Variants in WDR82 observed in about 807,000 individuals in gnomAD.
The protein encoded by WDR82 is WD repeat domain 82, also known as WD repeat-containing protein 82.
WDR82 carries 8 observed loss-of-function variants against 36.1 expected under a neutral mutation model. That is an observed-to-expected ratio of 0.22 (90% CI 0.13 to 0.40). The LOEUF is 0.40. Ranked by LOEUF, WDR82 falls within the 10% of genes least tolerant of loss-of-function variation. WDR82 has a pLI of 1.00. For synonymous variants in WDR82, 129 were observed against 137.8 expected (o/e 0.94, Z 0.45); for missense variants, 185 against 400.5 (o/e 0.46, Z 4.59).
At chr3:52,276,324 G>A (rs1475669979) in intron 1 of WDR82, among the ~76,000 whole-genome samples, 1 of 151,452 alleles carries the variant, frequency 6.6e-6, no homozygotes, top group Non-Finnish European at 1.5e-5. Flanking sequence ...CCAGCTATTT[G>A]TGAGGGTGAG....
In WDR82 at chr3:52,259,843, A is replaced by G. The variant is rs3210487; in HGVS notation, c.573T>C (p.Tyr191=). 0.12 allele frequency: 191,024 copies of G among 1,613,756 alleles called. 13,037 individuals carry two copies. Among genetic ancestry groups the G allele is most frequent in the African/African-American group, 0.27 (20,218 of 74,952 alleles). ...KGPFATFKMQ[Y]DRTCEWTGLK... is the part of the protein sequence containing the mutation. Reference sequence around the variant, plus strand: ...GTCCTGTCCACTCACAAGTTCGATCATACTGCATCTTAAAGGTAGCAAATG... The same window carrying G: ...GTCCTGTCCACTCACAAGTTCGATCGTACTGCATCTTAAAGGTAGCAAATG... The change falls in exon 6 of 9, where the codon TAT becomes TAC. Residue 191 remains tyrosine (Y), a synonymous_variant. Coordinates refer to ENST00000296490, the MANE Select transcript of WDR82 (RefSeq NM_025222.4).
intron 3 of WDR82, among the ~76,000 whole-genome samples, chr3:52,266,435 T>C (rs887500479): frequency 3.3e-5 from 5 of 151,860 alleles, no homozygotes; most frequent in Admixed American, 2.0e-4. Context: ...CTAGAAAAAA[T>C]ATATATACAT....
At chr3:52,268,005 G>T (rs1700121246) in intron 2 of WDR82, 2 of 215,660 alleles carry the variant, frequency 9.3e-6, no homozygotes, top group South Asian at 6.1e-5. Context: ...GTTCACAGGG[G>T]TGCTTTCTAA....
intron 2 of WDR82, among the ~76,000 whole-genome samples, chr3:52,269,744 G>C (rs748066635): frequency 6.6e-6 from 1 of 151,838 alleles, no homozygotes; most frequent in African/African-American, 2.4e-5. Flanking sequence ...AATAAAAACA[G>C]ACAAACAAAA....
At chr3:52,257,610 C>T in intron 8 of WDR82, 91 bp from the exon 9 acceptor site, 1 of 1,539,678 alleles carries the variant, frequency 6.5e-7, no homozygotes, top group Non-Finnish European at 8.9e-7. Context: ...AAAAATGTGC[C>T]CAACCCCAGT....
intron 3 of WDR82, among the ~76,000 whole-genome samples, chr3:52,263,424 A>T (rs1039893086): frequency 1.3e-5 from 2 of 152,242 alleles, no homozygotes; most frequent in Non-Finnish European, 2.9e-5. Flanking sequence ...TCAGAGCCAG[A>T]AGGGACAGAA....
Position 52,255,331 on chromosome 3 carries a change from T to C in WDR82, c.*2159A>G, listed in dbSNP as rs1424613375. 6.6e-6 allele frequency: 1 copy of C among 152,126 alleles called. No individual in the cohort carries two copies. Among genetic ancestry groups the C allele is most frequent in the Non-Finnish European group, 1.5e-5 (1 of 68,014 alleles). The allele number at this position is 152,126 out of a possible 1,614,324, so 9.4% of individuals were successfully genotyped here. Reference sequence around the variant, plus strand: ...TCATTTTCCTGCTGCTAAGTAATGCTTGGTGGCTGCTCTGGTTGCAGATAT... The same window carrying C: ...TCATTTTCCTGCTGCTAAGTAATGCCTGGTGGCTGCTCTGGTTGCAGATAT... On this transcript the variant is annotated 3_prime_UTR_variant, in exon 9 of 9. Transcript: ENST00000296490.
intron 3 of WDR82, among the ~76,000 whole-genome samples, chr3:52,262,382 T>C (rs1191101715): frequency 6.6e-6 from 1 of 152,216 alleles, no homozygotes; most frequent in East Asian, 1.9e-4. Flanking sequence ...AAAGGAATCA[T>C]TTACAGTATG....
chr3:52,256,458 C>G lies in WDR82; in HGVS notation c.*1032G>C, dbSNP rs1767. 25,210 of 153,680 alleles carry G rather than the reference C, an allele frequency of 0.16. 2,863 individuals carry two copies. The highest frequency in any genetic ancestry group is 0.32 in the African/African-American group (13,262 of 41,450). The allele number at this position is 153,680 out of a possible 1,614,324, so 9.5% of individuals were successfully genotyped here. On this transcript the variant is annotated 3_prime_UTR_variant, in exon 9 of 9. Coordinates refer to ENST00000296490, the MANE Select transcript of WDR82 (RefSeq NM_025222.4). ...AGAAATCAAAGGTCATATATAAAAA[C>G]GCTAAATATGACATATAACACAGGC...
At position 52,254,817 on chromosome 3, in the gene WDR82, CTG is replaced by C. The variant is rs1175754035; in HGVS notation, c.*2671_*2672del. The C allele has an allele frequency of 6.6e-6, 1 of 152,252 alleles. No homozygotes were observed. The highest frequency in any genetic ancestry group is 2.4e-5 in the African/African-American group (1 of 41,460). The allele number at this position is 152,252 out of a possible 1,614,324, so 9.4% of individuals were successfully genotyped here. On this transcript the variant is annotated 3_prime_UTR_variant, in exon 9 of 9. Coordinates refer to ENST00000296490, the MANE Select transcript of WDR82 (RefSeq NM_025222.4). The stretch of plus-strand genomic sequence containing the variant: ...GCACCTGTAGCCCTGCTGAGCACGT[CTG>C]TGCAGCCCCAGCCCTCAGCATCTCT...
chr3:52,257,618 A>G, intron 8 of WDR82, 99 bp from the exon 9 acceptor site: 1 of 1,476,796 alleles, frequency 6.8e-7, no homozygotes, highest in Non-Finnish European at 9.4e-7. Context: ...GCCCAACCCC[A>G]GTGGCTCTGG....
chr3:52,265,766 G>C (rs1296250426), intron 3 of WDR82, among the ~76,000 whole-genome samples: 1 of 151,954 alleles, frequency 6.6e-6, no homozygotes, highest in Non-Finnish European at 1.5e-5. Context: ...TGTAGAGACA[G>C]GGTTTCACCA....
At position 52,278,549 on chromosome 3, in the gene WDR82, G is replaced by A. The variant is rs1490951478; in HGVS notation, c.-188C>T. On this transcript the variant is annotated 5_prime_UTR_variant, in exon 1 of 9. Coordinates refer to ENST00000296490, the MANE Select transcript of WDR82 (RefSeq NM_025222.4). ...GTCGAGGGTCTTCTGCCTGGACTGT[G>A]GAGCCTCGCCGACCGTTCGTCCTCA... 2 of 465,460 alleles carry A rather than the reference G, an allele frequency of 4.3e-6. No individual in the cohort carries two copies. Among genetic ancestry groups the A allele is most frequent in the Non-Finnish European group, 7.0e-6 (2 of 287,754 alleles). The allele number at this position is 465,460 out of a possible 1,614,324, so 28.8% of individuals were successfully genotyped here. A position where few individuals can be genotyped will look rare whatever the true frequency, so the allele number is the denominator to read the frequency against.
chr3:52,261,215 G>A (rs888336503), intron 4 of WDR82, among the ~76,000 whole-genome samples, 165 bp downstream of exon 4: 1 of 152,214 alleles, frequency 6.6e-6, no homozygotes, highest in Non-Finnish European at 1.5e-5. Context: ...ATTAGGGTAT[G>A]TGCTTAGCAG....
chr3:52,259,346 A>G (rs926020080), intron 6 of WDR82, 80 bp from the exon 7 acceptor site: 13 of 1,324,612 alleles, frequency 9.8e-6, no homozygotes, highest in African/African-American at 8.8e-5. Context: ...GACTCAGCAC[A>G]TGCATCACCT....
intron 2 of WDR82, chr3:52,267,498 G>C (rs982872086): frequency 6.3e-6 from 1 of 159,762 alleles, no homozygotes; most frequent in Admixed American, 6.5e-5. Flanking sequence ...TTTTTGTCTA[G>C]AGTTCTCCAT....
intron 3 of WDR82, among the ~76,000 whole-genome samples, chr3:52,264,691 G>C (rs1008316631): frequency 6.6e-6 from 1 of 152,052 alleles, no homozygotes; most frequent in Non-Finnish European, 1.5e-5. Context: ...ATGGAAGCAA[G>C]CAGAAAGAGG....
At chr3:52,277,235 G>A (rs1255847016) in intron 1 of WDR82, among the ~76,000 whole-genome samples, 1 of 152,112 alleles carries the variant, frequency 6.6e-6, no homozygotes, top group African/African-American at 2.4e-5. Context: ...TTGGCTCCAA[G>A]GAGCTGCAAG....
chr3:52,257,650 C>A, intron 8 of WDR82, 131 bp from the exon 9 acceptor site: 2 of 923,200 alleles, frequency 2.2e-6, no homozygotes, highest in Non-Finnish European at 3.5e-6. Context: ...CCTAACCAAC[C>A]AACCCCGATG....
Sources: allele counts gnomAD v4.1 joint callset (sites outside exome capture counted in the v4.1 genomes callset), GRCh38; gene constraint gnomAD v4.1.1; transcripts MANE v1.5; gene names NCBI Gene and HGNC (gene_info 2026-07-23, HGNC 2026-07-21).